Variants in RDH8 observed in about 807,000 individuals in gnomAD.
RDH8 encodes photoreceptor outer segment all-trans retinol dehydrogenase.
RDH8 carries 14 observed loss-of-function variants against 22.3 expected under a neutral mutation model. The observed-to-expected ratio is 0.63, with a 90% CI of 0.42 to 0.98. RDH8 has a LOEUF of 0.98. Ranked by LOEUF, RDH8 falls within the 50% of genes least tolerant of loss-of-function variation. RDH8 has a pLI of 0.00. For synonymous variants in RDH8, 175 were observed against 171.7 expected, an observed-to-expected ratio of 1.02 and a Z score of -0.15; for missense variants, 389 against 409.8, an observed-to-expected ratio of 0.95 and a Z score of 0.44.
At chr19:10,016,700 G>A (rs943861606) in intron 1 of RDH8, among the ~76,000 whole-genome samples, 7 of 151,206 alleles carry the variant, frequency 4.6e-5, no homozygotes, top group Non-Finnish European at 8.8e-5. Flanking sequence ...TCAAACTCCT[G>A]GGGTCAAGCA....
In RDH8 at chr19:10,013,574, C is replaced by T. The variant is rs371893180; in HGVS notation, c.77C>T (p.Ala26Val). The T allele has an allele frequency of 5.0e-6, 8 of 1,613,934 alleles. No homozygotes were observed. The highest frequency in any genetic ancestry group is 2.2e-5 in the East Asian group (1 of 44,880). The change falls in exon 1 of 6, where the codon GCC becomes GTC. Residue 26 changes from alanine (A) to valine (V), a missense_variant. By Grantham distance (64) the Ala-to-Val change is moderately conservative (BLOSUM62 0). Transcript: ENST00000591589. ...GIGLELAVQL[A>V]HDPKKRYQVV... ...GGTCTGGAACTTGCAGTGCAACTGGCCCATGACCCCAAGAAGCGCTACCAG... is the reference window on the plus strand; with the variant it reads ...GGTCTGGAACTTGCAGTGCAACTGGTCCATGACCCCAAGAAGCGCTACCAG...
intron 4 of RDH8, 195 bp downstream of exon 4, chr19:10,020,997 C>A (rs2087654019): frequency 6.4e-6 from 4 of 627,668 alleles, no homozygotes; most frequent in Admixed American, 5.7e-5. Context: ...CATAGCGAGA[C>A]CCCCATCTCA....
chr19:10,019,744 T>C (rs1405389823), intron 3 of RDH8, among the ~76,000 whole-genome samples: 1 of 151,790 alleles, frequency 6.6e-6, no homozygotes, highest in African/African-American at 2.4e-5. Flanking sequence ...GAGGTTGCAA[T>C]GAGCTGAGAT....
At position 10,021,699 on chromosome 19, in the gene RDH8, C is replaced by T. The variant is rs1599245016; in HGVS notation, c.886C>T (p.Leu296Phe). ...CTGTCCACGCCTCCTCAACCTTGGC[C>T]TTCAATGTCTGTCCTGCGGCTGCCT... Reference protein sequence around the residue: ...FRCPRLLNLGLQCLSCGCLPT... With the variant: ...FRCPRLLNLGFQCLSCGCLPT... The change falls in exon 6 of 6, where the codon CTT (leucine) becomes TTT (phenylalanine). Residue 296 changes from leucine (L) to phenylalanine (F), a missense_variant. By Grantham distance (22) the Leu-to-Phe change is conservative. Coordinates refer to ENST00000591589, the MANE Select transcript of RDH8 (RefSeq NM_015725.4). 3 of 1,613,994 alleles carry T rather than the reference C, an allele frequency of 1.9e-6. No individual in the cohort carries two copies. Among genetic ancestry groups the T allele is most frequent in the Non-Finnish European group, 1.7e-6 (2 of 1,180,042 alleles).
Position 10,021,281 on chromosome 19 carries a change from T to C in RDH8, c.563T>C (p.Val188Ala), listed in dbSNP as rs2087656606. 3 of 1,613,978 alleles carry C rather than the reference T, an allele frequency of 1.9e-6. No homozygotes were observed. Among genetic ancestry groups the C allele is most frequent in the Non-Finnish European group, 2.5e-6 (3 of 1,180,012 alleles). Residue 188 changes from valine to alanine, a missense_variant, in exon 5 of 6, where the codon GTG (valine) becomes GCG (alanine). Transcript: ENST00000591589. ...IFISLVEPGP[V>A]VTEFEGKLLA... ...ATCTCCCTGGTGGAGCCAGGCCCCGTGGTCACCGAGTTTGAGGGGAAGCTT... is the reference window on the plus strand; with the variant it reads ...ATCTCCCTGGTGGAGCCAGGCCCCGCGGTCACCGAGTTTGAGGGGAAGCTT...
chr19:10,018,968 G>A (rs2087639801), intron 3 of RDH8, 58 bp downstream of exon 3: 5 of 1,428,958 alleles, frequency 3.5e-6, no homozygotes, highest in Non-Finnish European at 4.8e-6. Context: ...TCCCCAGACT[G>A]GGAGGATGGC....
intron 1 of RDH8, among the ~76,000 whole-genome samples, chr19:10,015,329 T>C (rs1406931530): frequency 1.3e-5 from 2 of 151,700 alleles, no homozygotes; most frequent in East Asian, 1.9e-4. Context: ...GGTGGATGCC[T>C]GTAGTCCCAG....
rs1367846692 is a variant in RDH8 at position 10,021,708 on chromosome 19, C to G, written c.895C>G (p.Leu299Val). ...PRLLNLGLQC[L>V]SCGCLPTRVR... ...CCTCCTCAACCTTGGCCTTCAATGT[C>G]TGTCCTGCGGCTGCCTCCCAACGCG... Residue 299 changes from leucine to valine, a missense_variant, in exon 6 of 6, where the codon CTG becomes GTG. Leu to Val is a conservative substitution (Grantham distance 32, BLOSUM62 1). Transcript: ENST00000591589. 6.2e-7 allele frequency: 1 copy of G among 1,614,070 alleles called. No individual in the cohort carries two copies.
intron 5 of RDH8, 41 bp from the exon 6 acceptor site, chr19:10,021,493 G>A: frequency 6.2e-7 from 1 of 1,613,810 alleles, no homozygotes; most frequent in East Asian, 2.2e-5. Context: ...GCGGGGTGAG[G>A]CCCTCCCTGG....
intron 3 of RDH8, among the ~76,000 whole-genome samples, chr19:10,020,294 C>T (rs1308597416): frequency 1.6e-5 from 2 of 123,932 alleles, no homozygotes; most frequent in East Asian, 2.7e-4. Flanking sequence ...AGAGCAACAC[C>T]TTATCAAAAA....
At chr19:10,020,314 A>G (rs1034931261) in intron 3 of RDH8, among the ~76,000 whole-genome samples, 1 of 132,372 alleles carries the variant, frequency 7.6e-6, no homozygotes, top group African/African-American at 2.8e-5. Context: ...AAGAAAAAGA[A>G]AAAGAGAGAG....
rs767644287 is a variant in RDH8 at position 10,021,580 on chromosome 19, A to C, written c.767A>C (p.Gln256Pro). ...ISSTRPPLRR[Q>P]TNIRYSPLTT... The stretch of plus-strand genomic sequence containing the variant: ...TCGACTCGACCACCCCTGCGCCGAC[A>C]GACCAACATCCGCTACTCGCCGCTG... Residue 256 changes from glutamine to proline, a missense_variant, in exon 6 of 6, where the codon CAG (glutamine) becomes CCG (proline). Physicochemically the swap from Gln to Pro is moderately conservative, Grantham distance 76. Transcript: ENST00000591589. The C allele has an allele frequency of 2.5e-6, 4 of 1,614,044 alleles. No individual in the cohort carries two copies. The African/African-American group carries it at 5.3e-5, about 22-fold the overall frequency.
chr19:10,019,257 C>T (rs59214678), intron 3 of RDH8, among the ~76,000 whole-genome samples: 5,907 of 151,782 alleles, frequency 0.039, 169 homozygotes, highest in South Asian at 0.12. Context: ...AAGATCGTGC[C>T]ACTGCACTCC....
intron 1 of RDH8, among the ~76,000 whole-genome samples, chr19:10,016,369 ATGGTCTC>A (rs2087616646): frequency 6.8e-6 from 1 of 147,162 alleles, no homozygotes; most frequent in Admixed American, 6.9e-5. Flanking sequence ...GTTAGCCAGG[ATGGTCTC>A]GATCTCCTGA....
In RDH8 at chr19:10,021,251, C is replaced by T. The variant is rs772547681; in HGVS notation, c.537-4C>T. On this transcript the variant is annotated splice_region_variant and splice_polypyrimidine_tract_variant and intron_variant, in intron 4 of 5. Coordinates refer to ENST00000591589, the MANE Select transcript of RDH8 (RefSeq NM_015725.4). ...GACTTACACTACCCATGCCTGGTCGCCAGCATCTCCCTGGTGGAGCCAGGC... is the reference window on the plus strand; with the variant it reads ...GACTTACACTACCCATGCCTGGTCGTCAGCATCTCCCTGGTGGAGCCAGGC... 1 of 1,613,936 alleles carries T rather than the reference C, an allele frequency of 6.2e-7. No homozygotes were observed. Among genetic ancestry groups the T allele is most frequent in the Non-Finnish European group, 8.5e-7 (1 of 1,179,944 alleles).
rs2087659389 is a variant in RDH8, at chr19:10,021,545, C to T, written c.732C>T (p.Asn244=). 1.5e-5 allele frequency: 24 copies of T among 1,614,120 alleles called. No homozygotes were observed. The highest frequency in any genetic ancestry group is 1.6e-4 in the Middle Eastern group (1 of 6,062). The change falls in exon 6 of 6, where the codon AAC becomes AAT. Residue 244 remains asparagine, a synonymous_variant. Transcript: ENST00000591589. ...NPQDVVQAIV[N]VISSTRPPLR... is the part of the protein sequence containing the mutation. ...CCTCCATTCTGCAGGCCATTGTCAA[C>T]GTCATCAGCTCGACTCGACCACCCC...
Position 10,021,519 on chromosome 19 carries a change from G to A in RDH8, c.721-15G>A, listed in dbSNP as rs376188735. On this transcript the variant is annotated splice_polypyrimidine_tract_variant and intron_variant, in intron 5 of 5. Coordinates refer to ENST00000591589, the MANE Select transcript of RDH8 (RefSeq NM_015725.4). ...CCCTCCCTGGGTCCCAGCGCTCAGG[G>A]CCTCCATTCTGCAGGCCATTGTCAA... The A allele has an allele frequency of 8.2e-5, 132 of 1,613,936 alleles. No homozygotes were observed. Among genetic ancestry groups the A allele is most frequent in the Non-Finnish European group, 1.0e-4 (118 of 1,180,016 alleles).
intron 2 of RDH8, among the ~76,000 whole-genome samples, chr19:10,018,017 C>T (rs1348779583): frequency 6.6e-6 from 1 of 152,088 alleles, no homozygotes; most frequent in Admixed American, 6.5e-5. Flanking sequence ...GCAATCTCAG[C>T]TCACTGCAAC....
rs776889437 is a variant in RDH8 at position 10,018,923 on chromosome 19, G to A, written c.442+13G>A. 6.9e-6 allele frequency: 11 copies of A among 1,584,308 alleles called. No individual in the cohort carries two copies. The highest frequency in any genetic ancestry group is 9.5e-6 in the Non-Finnish European group (11 of 1,160,888). On this transcript the variant is annotated intron_variant, in intron 3 of 5. Coordinates refer to ENST00000591589, the MANE Select transcript of RDH8 (RefSeq NM_015725.4). The stretch of plus-strand genomic sequence containing the variant: ...ATGGGCCTGCAGGGTGAGCTGTGGG[G>A]ACCCAACCCTGGAAATCCCACCAGT...
Sources: allele counts gnomAD v4.1 joint callset (sites outside exome capture counted in the v4.1 genomes callset), GRCh38; gene constraint gnomAD v4.1.1; transcripts MANE v1.5; gene names NCBI Gene and HGNC (gene_info 2026-07-23, HGNC 2026-07-21).